The following SPATA3 variants were observed in gnomAD, a reference collection of about 807,000 sequenced individuals.
The protein encoded by SPATA3 is spermatogenesis-associated protein 3.
A neutral mutation model predicts 5.7 loss-of-function variants in SPATA3; 6 were observed. The observed-to-expected ratio is 1.06, with a 90% CI of 0.58 to 2.09. SPATA3 has a LOEUF of 2.09. Ranked by LOEUF, SPATA3 falls within the 30% of genes most tolerant of loss-of-function variation. SPATA3 has a pLI of 0.00. For missense variants in SPATA3, 155 were observed against 130.4 expected (o/e 1.19, Z -0.92); for synonymous variants, 44 against 48.4 (o/e 0.91, Z 0.37).
intron 6 of SPATA3, among the ~76,000 whole-genome samples, chr2:231,015,638 G>A (rs1367027905): frequency 2.6e-5 from 4 of 152,204 alleles, no homozygotes; most frequent in African/African-American, 7.2e-5. Flanking sequence ...AACCTCCAGA[G>A]GAGAAGTGAC....
At chr2:231,011,009 G>C (rs1405656099), downstream of SPATA3, among the ~76,000 whole-genome samples, 2 of 141,026 alleles carry the variant, frequency 1.4e-5, no homozygotes, top group African/African-American at 5.3e-5. Flanking sequence ...GGAGGTCAAG[G>C]CTGCAGTAAG....
downstream of SPATA3, among the ~76,000 whole-genome samples, chr2:231,005,010 C>CCAT (rs142539373): frequency 0.8 from 112,925 of 141,712 alleles, 44,270 homozygotes; most frequent in African/African-American, 0.92. Context: ...ATCATCACCA[C>CCAT]CATCATCACC....
intron 6 of SPATA3, among the ~76,000 whole-genome samples, chr2:231,015,354 T>C (rs1334044023): frequency 1.4e-5 from 2 of 147,554 alleles, no homozygotes; most frequent in Non-Finnish European, 3.0e-5. Context: ...AGTGCTGGGA[T>C]TTCAGGTGTG....
At chr2:231,001,910 A>G (rs1165352652) in intron 2 of SPATA3, among the ~76,000 whole-genome samples, 1 of 152,196 alleles carries the variant, frequency 6.6e-6, no homozygotes, top group Non-Finnish European at 1.5e-5. Context: ...GAACCTCTGA[A>G]AGGTTCCTGT....
downstream of SPATA3, among the ~76,000 whole-genome samples, chr2:231,007,019 T>C (rs1038000303): frequency 1.3e-5 from 2 of 152,108 alleles, no homozygotes; most frequent in African/African-American, 4.8e-5. Flanking sequence ...CAAAAGGCAT[T>C]ACAGCCTGAG....
downstream of SPATA3, among the ~76,000 whole-genome samples, chr2:231,003,111 G>A (rs774772564): frequency 6.6e-6 from 1 of 152,122 alleles, no homozygotes; most frequent in Non-Finnish European, 1.5e-5. Context: ...TACCCATCTC[G>A]GACCTTTCTT....
intron 1 of SPATA3, chr2:230,996,467 C>G (rs1574652993): frequency 6.4e-7 from 1 of 1,552,344 alleles, no homozygotes; most frequent in East Asian, 2.4e-5. Flanking sequence ...CCGAAATCCG[C>G]CGCTCCTCTT....
chr2:231,000,334 C>A (rs949474711), intron 1 of SPATA3, 32 bp from the exon 2 acceptor site: 3 of 1,421,508 alleles, frequency 2.1e-6, no homozygotes, highest in Non-Finnish European at 2.8e-6. Flanking sequence ...AGGGCAGGTG[C>A]CTCCCTCACC....
chr2:231,016,818 T>C (rs1692950251), intron 6 of SPATA3, among the ~76,000 whole-genome samples: 1 of 152,154 alleles, frequency 6.6e-6, no homozygotes, highest in Admixed American at 6.5e-5. Context: ...TCCTCTCTCC[T>C]CTCAGGCATC....
At chr2:231,016,855 A>G (rs1031666367) in intron 6 of SPATA3, among the ~76,000 whole-genome samples, 3 of 152,158 alleles carry the variant, frequency 2.0e-5, no homozygotes, top group African/African-American at 7.2e-5. Context: ...GAGATAACCC[A>G]GGAAAACAAC....
At chr2:231,007,184 G>A (rs1692659102), downstream of SPATA3, 1 of 152,098 alleles carries the variant, frequency 6.6e-6, no homozygotes, top group Non-Finnish European at 1.5e-5. Flanking sequence ...ACGGGGTATT[G>A]TCTAAGCTGA....
downstream of SPATA3, among the ~76,000 whole-genome samples, chr2:231,011,957 C>A (rs935622466): frequency 6.6e-6 from 1 of 152,192 alleles, no homozygotes; most frequent in South Asian, 2.1e-4. Flanking sequence ...CACAGGGGGT[C>A]GAAGCAGAGA....
At chr2:231,008,318 C>T (rs927836684), downstream of SPATA3, among the ~76,000 whole-genome samples, 1 of 152,174 alleles carries the variant, frequency 6.6e-6, no homozygotes, top group Non-Finnish European at 1.5e-5. Flanking sequence ...AGGAGTCAGC[C>T]CGCATGCACT....
chr2:231,004,207 C>G (rs1692455311), downstream of SPATA3: 1 of 152,220 alleles, frequency 6.6e-6, no homozygotes, highest in Non-Finnish European at 1.5e-5. Context: ...AGTTCCTTAG[C>G]TGCTATGCTA....
exon 5 of SPATA3, chr2:231,012,636 G>A (rs1005460677): frequency 2.0e-5 from 3 of 152,166 alleles, no homozygotes; most frequent in African/African-American, 4.8e-5. Context: ...AAGGTATTAT[G>A]TACAGAAGAT....
downstream of SPATA3, among the ~76,000 whole-genome samples, chr2:231,005,472 T>TCA (rs1692573474): frequency 1.1e-4 from 1 of 8,932 alleles, no homozygotes; most frequent in Non-Finnish European, 2.4e-4. Context: ...ACCACCACCA[T>TCA]CATCACCACC....
At chr2:231,001,270 T>G (rs1692343832) in intron 2 of SPATA3, among the ~76,000 whole-genome samples, 2 of 152,138 alleles carry the variant, frequency 1.3e-5, no homozygotes, top group Admixed American at 1.3e-4. Context: ...GTTTGGGCGC[T>G]GCTAGGTTAC....
Position 231,019,416 on chromosome 2 carries a change from C to T in SPATA3, c.*566-304C>T, listed in dbSNP as rs578051875. Among the ~76,000 whole-genome samples the T allele has an allele frequency of 9.9e-5, 14 of 141,996 alleles. No individual in the cohort carries two copies. The South Asian group carries it at 1.1e-3, about 11-fold the overall frequency. 93.2% of individuals were successfully genotyped at this position (141,996 alleles called of 152,430 possible). A position where few individuals can be genotyped will look rare whatever the true frequency, so the allele number is the denominator to read the frequency against. On this transcript the variant is annotated intron_variant, in intron 6 of 8. Coordinates refer to the SPATA3 transcript ENST00000452881. ...TCAGCTCACTGCAAGCTCCGCCTCCCGGGTTCACACCATTCTCCTGCCTCA... is the reference window on the plus strand; with the variant it reads ...TCAGCTCACTGCAAGCTCCGCCTCCTGGGTTCACACCATTCTCCTGCCTCA...
intron 1 of SPATA3, chr2:230,999,662 G>A (rs1692270655): frequency 1.2e-5 from 2 of 168,692 alleles, no homozygotes; most frequent in Admixed American, 1.3e-4. Context: ...ACATTCTGCT[G>A]GGATCCATAC....
Sources: gnomAD v4.1 joint callset for allele counts (sites outside exome capture counted in the v4.1 genomes callset) on GRCh38, gnomAD v4.1.1 for gene constraint, MANE v1.5 for transcripts, NCBI Gene and HGNC (gene_info 2026-07-23, HGNC 2026-07-21) for gene names.